The following CNTN4 variants were observed in gnomAD, a reference collection of about 807,000 sequenced individuals.
CNTN4 encodes the protein contactin-4.
Under a neutral mutation model 122.5 loss-of-function variants are expected in CNTN4, and 77 were observed. The observed-to-expected ratio is 0.63, with a 90% CI of 0.52 to 0.76. CNTN4 has a LOEUF of 0.76. CNTN4 is among the 30% of genes least tolerant of loss of function. The probability of loss-of-function intolerance (pLI) is 0.00; values close to 1 mark genes in which losing one functional copy is unlikely to be tolerated. For synonymous variants in CNTN4, 512 were observed against 447.0 expected (o/e 1.15, Z -1.83); for missense variants, 1,256 against 1,259.1 (o/e 1.00, Z 0.04).
intron 3 of CNTN4, among the ~76,000 whole-genome samples, chr3:2,342,355 A>T (rs954905620): frequency 6.6e-6 from 1 of 152,176 alleles, no homozygotes; most frequent in African/African-American, 2.4e-5. Flanking sequence ...AAAAATTTTC[A>T]TCTTTTGTTA....
chr3:2,539,806 AT>A (rs1254356245), intron 3 of CNTN4, among the ~76,000 whole-genome samples: 1 of 152,002 alleles, frequency 6.6e-6, no homozygotes, highest in Non-Finnish European at 1.5e-5. Context: ...ATAAAATGGC[AT>A]TTTTTTCCCT....
chr3:3,011,545 G>A lies in CNTN4; in HGVS notation c.1487-14557G>A, dbSNP rs114230470. Among the ~76,000 whole-genome samples the A allele has an allele frequency of 2.6e-3, 389 of 152,310 alleles. 2 individuals carry two copies. Among genetic ancestry groups the A allele is most frequent in the African/African-American group, 9.1e-3 (380 of 41,592 alleles). On this transcript the variant is annotated intron_variant, in intron 14 of 24. Transcript: ENST00000418658. The stretch of plus-strand genomic sequence containing the variant: ...CTGGCAAATGAGCAAGAAGGCACCT[G>A]TGTCACTTATCTGGATGTTTGTACA...
chr3:2,859,453 T>A (rs747051559), intron 7 of CNTN4, among the ~76,000 whole-genome samples: 63 of 152,158 alleles, frequency 4.1e-4, no homozygotes, highest in Non-Finnish European at 7.8e-4. Context: ...ACACATCCAC[T>A]TGTCAGTCTC....
At chr3:2,916,770 G>A (rs960503446) in intron 12 of CNTN4, among the ~76,000 whole-genome samples, 15 of 146,318 alleles carry the variant, frequency 1.0e-4, no homozygotes, top group Non-Finnish European at 1.6e-4. Context: ...CTTCCCAGTA[G>A]GGGCGGCCGG....
In CNTN4 at chr3:2,195,698, A is replaced by T. The variant is rs75275805; in HGVS notation, c.-145+95059A>T. On this transcript the variant is annotated intron_variant, in intron 2 of 24. Coordinates refer to ENST00000418658, the MANE Select transcript of CNTN4 (RefSeq NM_175607.3). Reference sequence around the variant, plus strand: ...GAATATCGGTAAGCCCACCACTGACAAGTGTCACTCTGGGAATCACATGGC... The same window carrying T: ...GAATATCGGTAAGCCCACCACTGACTAGTGTCACTCTGGGAATCACATGGC... 5.7e-3 allele frequency among the ~76,000 whole-genome samples: 866 copies of T among 152,322 alleles called. 4 individuals carry two copies. Among genetic ancestry groups the T allele is most frequent in the African/African-American group, 0.02 (845 of 41,572 alleles).
intron 14 of CNTN4, among the ~76,000 whole-genome samples, chr3:3,018,305 T>G (rs1211875050): frequency 1.3e-5 from 2 of 152,266 alleles, no homozygotes; most frequent in East Asian, 3.8e-4. Flanking sequence ...TATTCATTCT[T>G]CTTTTTATAA....
intron 4 of CNTN4, among the ~76,000 whole-genome samples, chr3:2,633,485 A>T (rs1037552715): frequency 6.6e-6 from 1 of 152,232 alleles, no homozygotes; most frequent in African/African-American, 2.4e-5. Context: ...CTTTGGGTCC[A>T]TAAACACATA....
chr3:2,443,535 A>G (rs562603089), intron 3 of CNTN4, among the ~76,000 whole-genome samples: 2 of 152,226 alleles, frequency 1.3e-5, no homozygotes, highest in South Asian at 2.1e-4. Flanking sequence ...TGTAACGTAC[A>G]TATTGAGCTT....
chr3:2,471,850 A>G (rs939118765), intron 3 of CNTN4, among the ~76,000 whole-genome samples: 2 of 152,238 alleles, frequency 1.3e-5, no homozygotes, highest in African/African-American at 4.8e-5. Context: ...GCACATTTAT[A>G]AATGCCTTAT....
At chr3:2,961,694 T>C (rs1242893396) in intron 13 of CNTN4, among the ~76,000 whole-genome samples, 1 of 144,310 alleles carries the variant, frequency 6.9e-6, no homozygotes, top group African/African-American at 2.5e-5. Context: ...CACTGCTTAA[T>C]GGCTAGGGAA....
intron 3 of CNTN4, among the ~76,000 whole-genome samples, chr3:2,553,904 T>C (rs535700144): frequency 6.6e-6 from 1 of 152,316 alleles, no homozygotes; most frequent in Admixed American, 6.5e-5. Flanking sequence ...CGAGTTAGTT[T>C]AACTGTATGA....
intron 3 of CNTN4, among the ~76,000 whole-genome samples, chr3:2,400,428 C>CATATATATGT (rs2046807964): frequency 1.0e-5 from 1 of 95,824 alleles, no homozygotes; most frequent in Non-Finnish European, 2.2e-5. Context: ...TATATATATA[C>CATATATATGT]ATATATATAT....
chr3:2,358,932 T>G (rs1378862652), intron 3 of CNTN4, among the ~76,000 whole-genome samples: 1 of 152,196 alleles, frequency 6.6e-6, no homozygotes, highest in South Asian at 2.1e-4. Context: ...GTTTTCTCTC[T>G]CACAATTACG....
chr3:2,828,373 C>T lies in CNTN4; in HGVS notation c.454+8792C>T, dbSNP rs74749486. On this transcript the variant is annotated intron_variant, in intron 7 of 24. Transcript: ENST00000418658. ...AGGTGTCCAGTAGGTTAACACTGAC[C>T]GTCTTGGAAATCAGTGATTCAGAAA... 4.4e-3 allele frequency among the ~76,000 whole-genome samples: 671 copies of T among 152,088 alleles called. 2 individuals carry two copies. The highest frequency in any genetic ancestry group is 5.7e-3 in the African/African-American group (238 of 41,494).
intron 6 of CNTN4, among the ~76,000 whole-genome samples, chr3:2,809,650 G>A (rs1167878659): frequency 6.6e-6 from 1 of 152,218 alleles, no homozygotes. Context: ...GAGTCAGGAT[G>A]ATATGAGAAA....
intron 3 of CNTN4, among the ~76,000 whole-genome samples, chr3:2,344,395 C>T (rs768087965): frequency 6.6e-6 from 1 of 151,836 alleles, no homozygotes; most frequent in Non-Finnish European, 1.5e-5. Flanking sequence ...TTCTCCTGCC[C>T]CAGCCTCGTG....
At chr3:2,178,542 CAAT>C (rs1281974486) in intron 2 of CNTN4, among the ~76,000 whole-genome samples, 1 of 151,934 alleles carries the variant, frequency 6.6e-6, no homozygotes, top group African/African-American at 2.4e-5. Context: ...AGGCTTGAAT[CAAT>C]GATTAAATAT....
chr3:2,910,518 T>C (rs1029997354), intron 12 of CNTN4, among the ~76,000 whole-genome samples: 1 of 152,170 alleles, frequency 6.6e-6, no homozygotes, highest in Non-Finnish European at 1.5e-5. Flanking sequence ...TTTTCATCAG[T>C]CAGTAAGAAA....
chr3:2,660,483 G>A (rs2083831975), intron 4 of CNTN4, among the ~76,000 whole-genome samples: 1 of 152,132 alleles, frequency 6.6e-6, no homozygotes, highest in Admixed American at 6.5e-5. Context: ...GAGCAATATT[G>A]TCTGTTAGAC....
Sources: gnomAD v4.1 joint callset for allele counts (sites outside exome capture counted in the v4.1 genomes callset) on GRCh38, gnomAD v4.1.1 for gene constraint, MANE v1.5 for transcripts, NCBI Gene and HGNC (gene_info 2026-07-23, HGNC 2026-07-21) for gene names.